The following KRT10 variants were observed in gnomAD, a reference collection of about 807,000 sequenced individuals.
The protein encoded by KRT10 is keratin 10.
In KRT10, 40 loss-of-function variants were observed where a neutral mutation model predicts 59.2. The ratio of observed to expected loss-of-function variants is 0.68; its 90% CI spans 0.52 to 0.88. The LOEUF (loss-of-function observed/expected upper bound fraction) is 0.88. Ranked by LOEUF, KRT10 falls within the 40% of genes least tolerant of loss-of-function variation. The probability of loss-of-function intolerance (pLI) is 0.00; values close to 1 mark genes in which losing one functional copy is unlikely to be tolerated. For missense variants in KRT10, 719 were observed against 749.1 expected (o/e 0.96, Z 0.47); for synonymous variants, 336 against 310.7 (o/e 1.08, Z -0.86).
intron 1 of KRT10, 139 bp downstream of exon 1, chr17:40,821,820 G>T: frequency 1.1e-6 from 1 of 882,160 alleles, no homozygotes; most frequent in Non-Finnish European, 1.8e-6. Context: ...GTTTATCTTT[G>T]ATGAGACTGG....
Position 40,822,526 on chromosome 17 carries a change from T to A in KRT10, c.60A>T (p.Gly20=), listed in dbSNP as rs1239638363. ...CTCCTCCTCCACATCCTCCTCCTCC[T>A]CCTCCTCCTCCACTGCGGGAGGAAG... ...HYSSSRSGGG[G]GGGGCGGGGG... is the part of the protein sequence containing the mutation. The change falls in exon 1 of 8, where the codon GGA becomes GGT. Residue 20 remains glycine, a synonymous_variant. Transcript: ENST00000269576. The A allele has an allele frequency of 3.1e-6, 5 of 1,609,310 alleles. No individual in the cohort carries two copies. The highest frequency in any genetic ancestry group is 3.3e-5 in the Admixed American group (2 of 59,968).
At chr17:40,819,764 C>T in intron 5 of KRT10, 30 bp from the exon 6 acceptor site, 1 of 1,567,574 alleles carries the variant, frequency 6.4e-7, no homozygotes, top group Non-Finnish European at 8.8e-7. Flanking sequence ...GGCTTAGTGA[C>T]TTCCTTGTTC....
chr17:40,818,486 T>G lies in KRT10; in HGVS notation c.1749-4A>C, dbSNP rs563358332. 6.3e-7 allele frequency: 1 copy of G among 1,592,328 alleles called. No individual in the cohort carries two copies. The highest frequency in any genetic ancestry group is 8.6e-7 in the Non-Finnish European group (1 of 1,160,352). On this transcript the variant is annotated splice_region_variant and splice_polypyrimidine_tract_variant and intron_variant, in intron 7 of 7. Coordinates refer to ENST00000269576, the MANE Select transcript of KRT10 (RefSeq NM_000421.5). ...ATTACTCTGGTTTTGTTAGTATCTG[T>G]GTGAATGATGGAAAAAAAATTTTAA...
At position 40,819,517 on chromosome 17, in the gene KRT10, C is replaced by T; in HGVS notation, c.1373G>A (p.Ser458Asn). The T allele has an allele frequency of 6.2e-7, 1 of 1,612,364 alleles. No homozygotes were observed. Among genetic ancestry groups the T allele is most frequent in the Non-Finnish European group, 8.5e-7 (1 of 1,178,436 alleles). ...GATAACTTTTCATTTTAAAATTTAC[C>T]TTCCCTCTCCTTCTAGCAGGCTGCG... The part of the protein sequence containing the change: ...TYRSLLEGEG[S>N]SGGGGRGGGS... The change falls in exon 6 of 8, where the codon AGT becomes AAT. Residue 458 changes from serine (S) to asparagine (N), a missense_variant and splice_region_variant. Physicochemically the swap from Ser to Asn is conservative, Grantham distance 46. Around this residue, in one of 4 missense-constraint regions of KRT10, gnomAD observed 315 missense variants for 270.6 expected, o/e 1.16. Transcript: ENST00000269576.
chr17:40,820,231 A>T, intron 4 of KRT10, 31 bp downstream of exon 4: 1 of 1,614,210 alleles, frequency 6.2e-7, no homozygotes, highest in Non-Finnish European at 8.5e-7. Context: ...TAAAACCTCC[A>T]TGAGTTTCAC....
rs1182859643 is a variant in KRT10 at position 40,818,776 on chromosome 17, T to G, written c.1748+11A>C. 2 of 1,590,662 alleles carry G rather than the reference T, an allele frequency of 1.3e-6. No homozygotes were observed. Among genetic ancestry groups the G allele is most frequent in the Non-Finnish European group, 1.7e-6 (2 of 1,177,060 alleles). On this transcript the variant is annotated intron_variant, in intron 7 of 7. Transcript: ENST00000269576. ...AACTAATTCTGATTACCCCAGCTAG[T>G]TTCTGCTGACCTTGGTCCCTTAGAT...
Position 40,819,063 on chromosome 17 carries a change from T to C in KRT10, c.1472A>G (p.His491Arg), listed in dbSNP as rs747094685. ...GTAGCCGCCGCCGGAACTGCCGCCG[T>C]GGCCGCCGCCGTGGCCGCCGCCGGA... ...GSSGGGHGGG[H>R]GGSSGGGYGG... Residue 491 changes from histidine to arginine, a missense_variant, in exon 7 of 8, where the codon CAC (histidine) becomes CGC (arginine). Transcript: ENST00000269576. 3 of 711,968 alleles carry C rather than the reference T, an allele frequency of 4.2e-6. No individual in the cohort carries two copies. The highest frequency in any genetic ancestry group is 2.2e-5 in the African/African-American group (1 of 44,920). 44.1% of individuals were successfully genotyped at this position (711,968 alleles called of 1,614,324 possible). A position where few individuals can be genotyped will look rare whatever the true frequency, so the allele number is the denominator to read the frequency against.
Position 40,818,876 on chromosome 17 carries a change from G to C in KRT10, c.1659C>G (p.Ser553=), listed in dbSNP as rs761476507. ...GGGSSGGGSS[S]GGGYGGGSSS... The stretch of plus-strand genomic sequence containing the variant: ...AGCTGCCGCCGCCGTATCCGCCGCC[G>C]GAGCTGCTGCCGCCGCCGGAGCTGC... The change falls in exon 7 of 8, where the codon TCC becomes TCG. Residue 553 remains serine, a synonymous_variant. Coordinates refer to ENST00000269576, the MANE Select transcript of KRT10 (RefSeq NM_000421.5). 10 of 1,535,582 alleles carry C rather than the reference G, an allele frequency of 6.5e-6. 1 individual carries two copies. Among genetic ancestry groups the C allele is most frequent in the South Asian group, 6.0e-5 (5 of 84,008 alleles).
intron 1 of KRT10, 58 bp downstream of exon 1, chr17:40,821,901 C>G (rs1905407363): frequency 6.4e-7 from 1 of 1,563,566 alleles, no homozygotes; most frequent in Non-Finnish European, 8.8e-7. Context: ...ATTTAAGATT[C>G]ATCTGTCTGG....
At position 40,820,669 on chromosome 17, in the gene KRT10, T is replaced by G; in HGVS notation, c.711-2A>C. On this transcript the variant is annotated splice_acceptor_variant, in intron 2 of 7. Transcript: ENST00000269576. LOFTEE classifies it high-confidence loss of function. ...CGCAGAGCTACCTCATTCTCATACCTGAAACAAGCATGATATCAATACTGG... is the reference window on the plus strand; with the variant it reads ...CGCAGAGCTACCTCATTCTCATACCGGAAACAAGCATGATATCAATACTGG... 6.2e-7 allele frequency: 1 copy of G among 1,614,038 alleles called. No homozygotes were observed. The highest frequency in any genetic ancestry group is 1.7e-5 in the Admixed American group (1 of 60,016).
rs776973897 is a variant in KRT10, at chr17:40,822,011, T to C, written c.575A>G (p.Glu192Gly). 76 of 1,613,968 alleles carry C rather than the reference T, an allele frequency of 4.7e-5. No homozygotes were observed. Among genetic ancestry groups the C allele is most frequent in the Non-Finnish European group, 6.4e-5 (76 of 1,180,020 alleles). The change falls in exon 1 of 8, where the codon GAG (glutamate) becomes GGG (glycine). Residue 192 changes from glutamate to glycine, a missense_variant. By Grantham distance (98) the Glu-to-Gly change is moderately conservative. Around this residue, in one of 4 missense-constraint regions of KRT10, gnomAD observed 221 missense variants for 277.8 expected, o/e 0.80. Transcript: ENST00000269576. ...GTAGTATTTGCTGTAGTCACGAGGC[T>C]CCCCCTGATGTGAGTTGCCATGCTT... Reference protein sequence around the residue: ...YEKHGNSHQGEPRDYSKYYKT... With the variant: ...YEKHGNSHQGGPRDYSKYYKT...
At position 40,822,437 on chromosome 17, in the gene KRT10, C is replaced by T; in HGVS notation, c.149G>A (p.Gly50Glu). 2 of 1,613,992 alleles carry T rather than the reference C, an allele frequency of 1.2e-6. No individual in the cohort carries two copies. The highest frequency in any genetic ancestry group is 1.7e-6 in the Non-Finnish European group (2 of 1,179,942). The change falls in exon 1 of 8, where the codon GGG becomes GAG. Residue 50 changes from glycine (G) to glutamate (E), a missense_variant. Gly to Glu is a moderately conservative substitution (Grantham distance 98, BLOSUM62 -2). Around this residue, in one of 4 missense-constraint regions of KRT10, gnomAD observed 176 missense variants for 175.7 expected, o/e 1.00. Coordinates refer to ENST00000269576, the MANE Select transcript of KRT10 (RefSeq NM_000421.5). ...GCTAAAAGAGCCACCACTGAACCCC[C>T]CTGAGCTAAATCCTCCACCAAGGGA... ...KGSLGGGFSS[G>E]GFSGGSFSRG...
In KRT10 at chr17:40,819,148, C is replaced by G. The variant is rs1436403533; in HGVS notation, c.1387G>C (p.Gly463Arg). The G allele has an allele frequency of 6.5e-7, 1 of 1,543,190 alleles. No individual in the cohort carries two copies. Among genetic ancestry groups the G allele is most frequent in the East Asian group, 2.6e-5 (1 of 38,704 alleles). ...LEGEGSSGGGGRGGGSFGGGY... is the reference protein window; with the variant it reads ...LEGEGSSGGGRRGGGSFGGGY... Reference sequence around the variant, plus strand: ...CCGCCGAAACTTCCGCCGCCGCGTCCGCCGCCTCCGGAACTAAACGGGGTG... The same window carrying G: ...CCGCCGAAACTTCCGCCGCCGCGTCGGCCGCCTCCGGAACTAAACGGGGTG... Residue 463 changes from glycine to arginine, a missense_variant, in exon 7 of 8, where the codon GGA becomes CGA. Gly to Arg is a moderately radical substitution (Grantham distance 125). Transcript: ENST00000269576.
rs1597821342 is a variant in KRT10 at position 40,821,180 on chromosome 17, A to T, written c.628-63T>A. On this transcript the variant is annotated intron_variant, in intron 1 of 7. Coordinates refer to ENST00000269576, the MANE Select transcript of KRT10 (RefSeq NM_000421.5). The stretch of plus-strand genomic sequence containing the variant: ...ATGCAGATATGGCTTTTGTAGTGAC[A>T]TAGATGCACTCTGCACTTTTATGTT... The T allele has an allele frequency of 3.5e-6, 4 of 1,146,218 alleles. No individual in the cohort carries two copies. The East Asian group carries it at 9.4e-5, about 27-fold the overall frequency. 71.0% of individuals were successfully genotyped at this position (1,146,218 alleles called of 1,614,324 possible). A position where few individuals can be genotyped will look rare whatever the true frequency, so the allele number is the denominator to read the frequency against.
chr17:40,818,205 G>C lies in KRT10; in HGVS notation c.*271C>G. The C allele has an allele frequency of 2.2e-6, 1 of 448,004 alleles. No individual in the cohort carries two copies. The highest frequency in any genetic ancestry group is 4.0e-6 in the Non-Finnish European group (1 of 251,390). 27.8% of individuals were successfully genotyped at this position (448,004 alleles called of 1,614,324 possible). A position where few individuals can be genotyped will look rare whatever the true frequency, so the allele number is the denominator to read the frequency against. On this transcript the variant is annotated 3_prime_UTR_variant, in exon 8 of 8. Coordinates refer to ENST00000269576, the MANE Select transcript of KRT10 (RefSeq NM_000421.5). ...TCTTTCCATTAAAGAACACTTTCTGGTAAAGTGAAAAGAAGAAATACAGAA... is the reference window on the plus strand; with the variant it reads ...TCTTTCCATTAAAGAACACTTTCTGCTAAAGTGAAAAGAAGAAATACAGAA...
intron 5 of KRT10, 30 bp downstream of exon 5, chr17:40,820,019 G>A: frequency 6.2e-7 from 1 of 1,611,362 alleles, no homozygotes; most frequent in Non-Finnish European, 8.5e-7. Context: ...GTATGATAAA[G>A]TTGAAGTCAT....
At position 40,822,066 on chromosome 17, in the gene KRT10, G is replaced by T. The variant is rs1567711921; in HGVS notation, c.520C>A (p.Leu174Met). The change falls in exon 1 of 8, where the codon CTG becomes ATG. Residue 174 changes from leucine to methionine, a missense_variant. Around this residue, in one of 4 missense-constraint regions of KRT10, gnomAD observed 221 missense variants for 277.8 expected, o/e 0.80. Coordinates refer to ENST00000269576, the MANE Select transcript of KRT10 (RefSeq NM_000421.5). ...TACCACTCCTTGATTTTGCCTTCCA[G>T]CTCATAGTTTGATTCTTCCAGAGCC... is the stretch of plus-strand genomic sequence containing the variant. ...VRALEESNYE[L>M]EGKIKEWYEK... The T allele has an allele frequency of 6.2e-7, 1 of 1,614,108 alleles. No homozygotes were observed. The highest frequency in any genetic ancestry group is 8.5e-7 in the Non-Finnish European group (1 of 1,180,022).
In KRT10 at chr17:40,818,979, C is replaced by T. The variant is rs1905196808; in HGVS notation, c.1556G>A (p.Ser519Asn). 1.4e-6 allele frequency: 2 copies of T among 1,397,066 alleles called. No homozygotes were observed. The highest frequency in any genetic ancestry group is 1.5e-5 in the South Asian group (1 of 64,930). 86.5% of individuals were successfully genotyped at this position (1,397,066 alleles called of 1,614,324 possible). A position where few individuals can be genotyped will look rare whatever the true frequency, so the allele number is the denominator to read the frequency against. The stretch of plus-strand genomic sequence containing the variant: ...GCTGGAACTGCCGCCGTGGCCGCCG[C>T]TGGAGCTTCCGCCCCCGTAGCCGCC... Reference protein sequence around the residue: ...SGGGYGGGSSSGGHGGSSSGG... With the variant: ...SGGGYGGGSSNGGHGGSSSGG... Residue 519 changes from serine (S) to asparagine (N), a missense_variant, in exon 7 of 8, where the codon AGC (serine) becomes AAC (asparagine). By Grantham distance (46) the Ser-to-Asn change is conservative. Transcript: ENST00000269576.
In KRT10 at chr17:40,818,809, C is replaced by A. The variant is rs1457632269; in HGVS notation, c.1726G>T (p.Glu576Ter). ...GACCTTGGTCCCTTAGATGAAGACT[C>A]GCCCACGGACCCGGAAGAGGAGGAC... ...HKSSSSGSVG[E>*]SSSKGPRY Residue 576 changes from glutamate to a stop codon, truncating the protein, a stop_gained, in exon 7 of 8, where the codon GAG (glutamate) becomes TAG (stop). Transcript: ENST00000269576. LOFTEE classifies it high-confidence loss of function. 3.2e-6 allele frequency: 5 copies of A among 1,554,292 alleles called. No homozygotes were observed. The highest frequency in any genetic ancestry group is 1.7e-5 in the Admixed American group (1 of 58,008).
Sources: gnomAD v4.1 joint callset for allele counts on GRCh38, gnomAD v4.1.1 for gene constraint, gnomAD v4.1.1 regional missense constraint, MANE v1.5 for transcripts, NCBI Gene and HGNC (gene_info 2026-07-23, HGNC 2026-07-21) for gene names.